Variants in BCAT1 observed in about 807,000 individuals in gnomAD.
BCAT1 encodes branched-chain-amino-acid aminotransferase, cytosolic.
BCAT1 carries 48 observed loss-of-function variants against 52.4 expected under a neutral mutation model. That is an observed-to-expected ratio of 0.92 (90% CI 0.73 to 1.16). BCAT1 has a LOEUF of 1.16. Ranked by LOEUF, BCAT1 falls within the 50% of genes most tolerant of loss-of-function variation. BCAT1 has a pLI of 0.00. For synonymous variants in BCAT1, 167 were observed against 161.3 expected (o/e 1.04, Z -0.27); for missense variants, 451 against 457.1 (o/e 0.99, Z 0.12).
chr12:24,949,258 C>G, upstream of BCAT1: 2 of 454,772 alleles, frequency 4.4e-6, no homozygotes, highest in Non-Finnish European at 7.9e-6. Context: ...TCACTGCTCA[C>G]TCCCGGGGTG....
chr12:24,931,110 G>C (rs1335155804), intron 1 of BCAT1, among the ~76,000 whole-genome samples: 2 of 151,910 alleles, frequency 1.3e-5, no homozygotes, highest in Non-Finnish European at 2.9e-5. Flanking sequence ...CATCATGTTG[G>C]CCAGACTGGT....
intron 3 of BCAT1, among the ~76,000 whole-genome samples, chr12:24,882,736 C>T (rs1031731967): frequency 6.6e-6 from 1 of 151,782 alleles, no homozygotes; most frequent in Non-Finnish European, 1.5e-5. Context: ...GTAGCTGGGA[C>T]TACAGGCGCG....
At chr12:24,876,969 T>A (rs1030347146) in intron 5 of BCAT1, among the ~76,000 whole-genome samples, 6 of 151,986 alleles carry the variant, frequency 3.9e-5, no homozygotes, top group South Asian at 4.2e-4. Context: ...AAAAAAAAAA[T>A]TCAATTATCT....
chr12:24,868,835 G>T (rs1434967762), intron 5 of BCAT1, among the ~76,000 whole-genome samples: 1 of 152,168 alleles, frequency 6.6e-6, no homozygotes, highest in Non-Finnish European at 1.5e-5. Flanking sequence ...GTAAGAAAGT[G>T]ACAAAGCAAG....
chr12:24,824,936 C>A (rs543286322), intron 10 of BCAT1, among the ~76,000 whole-genome samples: 2 of 152,122 alleles, frequency 1.3e-5, no homozygotes, highest in African/African-American at 4.8e-5. Flanking sequence ...CCTCTGGTAA[C>A]CTCTAATCTA....
At chr12:24,943,913 G>A (rs961544328) in intron 1 of BCAT1, among the ~76,000 whole-genome samples, 6 of 152,056 alleles carry the variant, frequency 3.9e-5, no homozygotes, top group Admixed American at 2.6e-4. Flanking sequence ...GAACCCAGGA[G>A]GCGGAGCTTG....
chr12:24,872,025 A>G (rs1320624096), intron 5 of BCAT1, among the ~76,000 whole-genome samples: 1 of 152,226 alleles, frequency 6.6e-6, no homozygotes, highest in Non-Finnish European at 1.5e-5. Context: ...ACAGTACCCA[A>G]ATTAATGATT....
At chr12:24,842,418 C>G (rs1443275102) in intron 6 of BCAT1, among the ~76,000 whole-genome samples, 194 bp from the exon 7 acceptor site, 1 of 152,148 alleles carries the variant, frequency 6.6e-6, no homozygotes, top group African/African-American at 2.4e-5. Flanking sequence ...AGTGATTTAA[C>G]TGCATTCATT....
intron 1 of BCAT1, among the ~76,000 whole-genome samples, chr12:24,938,701 G>C (rs1234075069): frequency 6.6e-6 from 1 of 152,068 alleles, no homozygotes; most frequent in Admixed American, 6.5e-5. Context: ...TTGTGTACAA[G>C]TGCTCTTACC....
intron 3 of BCAT1, among the ~76,000 whole-genome samples, chr12:24,892,898 T>C (rs1333784140): frequency 1.3e-5 from 2 of 152,226 alleles, no homozygotes; most frequent in Non-Finnish European, 2.9e-5. Context: ...TTCTTTATTA[T>C]ACCTTATGAC....
chr12:24,888,031 G>A (rs139362685), intron 3 of BCAT1, among the ~76,000 whole-genome samples: 1 of 152,184 alleles, frequency 6.6e-6, no homozygotes, highest in African/African-American at 2.4e-5. Flanking sequence ...AACTATTATT[G>A]AACTTAAAAG....
chr12:24,887,045 CGA>C (rs1267150900), intron 3 of BCAT1, among the ~76,000 whole-genome samples: 1 of 88,888 alleles, frequency 1.1e-5, no homozygotes, highest in Non-Finnish European at 2.0e-5. Flanking sequence ...CCTGGAAGAA[CGA>C]GAGAGATGCT....
In BCAT1 at chr12:24,894,592, C is replaced by G. The variant is rs1942918558; in HGVS notation, c.79-117G>C. On this transcript the variant is annotated intron_variant, in intron 2 of 10. Coordinates refer to ENST00000261192, the MANE Select transcript of BCAT1 (RefSeq NM_005504.7). ...TTGACTTTTAAAGGTTAGCAGCTAA[C>G]ACAGAAATTTAACACTCTGAGCTGA... 7 of 883,992 alleles carry G rather than the reference C, an allele frequency of 7.9e-6. No homozygotes were observed. The East Asian group carries it at 1.9e-4, about 23-fold the overall frequency. The allele number at this position is 883,992 out of a possible 1,614,324, so 54.8% of individuals were successfully genotyped here.
chr12:24,822,295 TCA>T (rs1274514259), intron 10 of BCAT1, among the ~76,000 whole-genome samples: 1 of 152,226 alleles, frequency 6.6e-6, no homozygotes, highest in Non-Finnish European at 1.5e-5. Flanking sequence ...ATACTTAACC[TCA>T]GAGATTATTA....
chr12:24,877,557 A>G (rs553405517), intron 5 of BCAT1, among the ~76,000 whole-genome samples: 27 of 152,262 alleles, frequency 1.8e-4, no homozygotes, highest in African/African-American at 6.3e-4. Context: ...CAGCTCTTCA[A>G]TTTCCTTCCT....
At chr12:24,915,725 G>A (rs1202417841) in intron 1 of BCAT1, among the ~76,000 whole-genome samples, 1 of 152,334 alleles carries the variant, frequency 6.6e-6, no homozygotes, top group East Asian at 1.9e-4. Flanking sequence ...CCATGCCTAG[G>A]AGATAACGGC....
In BCAT1 at chr12:24,940,237, A is replaced by T. The variant is rs561092527; in HGVS notation, c.6+8690T>A. Reference sequence around the variant, plus strand: ...CTTTTAATTAAACTAAATATTAACAATGATGTTGAATCATTAAATCTATTG... The same window carrying T: ...CTTTTAATTAAACTAAATATTAACATTGATGTTGAATCATTAAATCTATTG... On this transcript the variant is annotated intron_variant, in intron 1 of 10. Coordinates refer to ENST00000261192, the MANE Select transcript of BCAT1 (RefSeq NM_005504.7). Among the ~76,000 whole-genome samples, 4 of 152,368 alleles carry T rather than the reference A, an allele frequency of 2.6e-5. No homozygotes were observed. The Middle Eastern group carries it at 0.01, about 389-fold the overall frequency.
At position 24,949,026 on chromosome 12, in the gene BCAT1, G is replaced by C; in HGVS notation, c.-94C>G. The C allele has an allele frequency of 7.2e-7, 1 of 1,393,986 alleles. No individual in the cohort carries two copies. Among genetic ancestry groups the C allele is most frequent in the Non-Finnish European group, 9.9e-7 (1 of 1,008,686 alleles). 86.4% of individuals were successfully genotyped at this position (1,393,986 alleles called of 1,614,324 possible). A position where few individuals can be genotyped will look rare whatever the true frequency, so the allele number is the denominator to read the frequency against. On this transcript the variant is annotated 5_prime_UTR_variant, in exon 1 of 11. Transcript: ENST00000261192. ...CGTGTGGACCGGGTCTGCGGCTGCAGAGCGCGGTCCCGGCTGCAGCAAGAC... is the reference window on the plus strand; with the variant it reads ...CGTGTGGACCGGGTCTGCGGCTGCACAGCGCGGTCCCGGCTGCAGCAAGAC...
intron 1 of BCAT1, among the ~76,000 whole-genome samples, chr12:24,935,895 A>C (rs1943746537): frequency 6.6e-6 from 1 of 152,178 alleles, no homozygotes; most frequent in Admixed American, 6.5e-5. Flanking sequence ...CCAACAACAC[A>C]TTATGAAAAC....
Sources: gnomAD v4.1 joint callset for allele counts (sites outside exome capture counted in the v4.1 genomes callset) on GRCh38, gnomAD v4.1.1 for gene constraint, MANE v1.5 for transcripts, NCBI Gene and HGNC (gene_info 2026-07-23, HGNC 2026-07-21) for gene names.